The following DISC1 variants were observed in gnomAD, a reference collection of about 807,000 sequenced individuals.
DISC1 encodes DISC1 scaffold protein.
A neutral mutation model predicts 84.5 loss-of-function variants in DISC1; 57 were observed. The ratio of observed to expected loss-of-function variants is 0.67; its 90% CI spans 0.55 to 0.84. The LOEUF is 0.84. Among genes scored for constraint, DISC1 ranks in the 40% least tolerant of loss-of-function variants. DISC1 has a pLI of 0.00. For missense variants in DISC1, 1,000 were observed against 1,057.8 expected, an observed-to-expected ratio of 0.95 and a Z score of 0.76; for synonymous variants, 411 against 415.2, an observed-to-expected ratio of 0.99 and a Z score of 0.12.
intron 9 of DISC1, among the ~76,000 whole-genome samples, chr1:231,871,610 C>T (rs571005584): frequency 1.3e-5 from 2 of 152,314 alleles, no homozygotes; most frequent in East Asian, 3.9e-4. Flanking sequence ...AGTTAGCCAA[C>T]CATGTGTTAA....
intron 1 of DISC1, among the ~76,000 whole-genome samples, chr1:231,645,701 C>T (rs2060064841): frequency 6.6e-6 from 1 of 151,908 alleles, no homozygotes; most frequent in Non-Finnish European, 1.5e-5. Flanking sequence ...TGCGATGTTC[C>T]CTGTCCTGTG....
rs1373090182 is a variant in DISC1 at position 232,008,846 on chromosome 1, A to T, written c.2104A>T (p.Ile702Phe). ...EADLEACRLL[I>F]QSLQLQEARG... ...TGACTTGGAAGCTTGTCGATTGCTT[A>T]TCCAGAGCCTACAGCTCCAGGAAGC... The change falls in exon 11 of 13, where the codon ATC becomes TTC. Residue 702 changes from isoleucine to phenylalanine, a missense_variant. Physicochemically the swap from Ile to Phe is conservative, Grantham distance 21 (BLOSUM62 0). Transcript: ENST00000439617. 1.2e-6 allele frequency: 2 copies of T among 1,612,256 alleles called. No homozygotes were observed. Among genetic ancestry groups the T allele is most frequent in the Non-Finnish European group, 1.7e-6 (2 of 1,178,972 alleles).
chr1:231,951,363 T>C (rs1658340109), intron 9 of DISC1, among the ~76,000 whole-genome samples: 1 of 152,216 alleles, frequency 6.6e-6, no homozygotes, highest in African/African-American at 2.4e-5. Flanking sequence ...GATCATAATG[T>C]AAGCTTGGAG....
chr1:231,770,234 T>G (rs1431665362), intron 5 of DISC1, among the ~76,000 whole-genome samples: 2 of 152,120 alleles, frequency 1.3e-5, no homozygotes, highest in Non-Finnish European at 2.9e-5. Context: ...ACCTTAATAT[T>G]AAATGATATT....
chr1:231,875,665 G>C (rs184373159), intron 9 of DISC1, among the ~76,000 whole-genome samples: 8 of 152,282 alleles, frequency 5.3e-5, no homozygotes, highest in Admixed American at 4.6e-4. Context: ...GAACTAAACT[G>C]TACTCCCTCT....
intron 1 of DISC1, among the ~76,000 whole-genome samples, chr1:231,693,075 A>G (rs1279995877): frequency 6.6e-6 from 1 of 152,234 alleles, no homozygotes; most frequent in Non-Finnish European, 1.5e-5. Flanking sequence ...CACTTTACTG[A>G]TGGGGAAACT....
At chr1:231,796,204 T>C (rs754501462) in intron 7 of DISC1, among the ~76,000 whole-genome samples, 3 of 152,148 alleles carry the variant, frequency 2.0e-5, no homozygotes, top group Admixed American at 6.6e-5. Context: ...CTCATATGTA[T>C]TTATACCTGG....
chr1:231,891,146 C>A (rs1215660772), intron 9 of DISC1, among the ~76,000 whole-genome samples: 3 of 152,064 alleles, frequency 2.0e-5, no homozygotes, highest in Admixed American at 1.3e-4. Flanking sequence ...CTGGGCCACA[C>A]TTGAAGGAGG....
intron 9 of DISC1, among the ~76,000 whole-genome samples, chr1:231,933,076 G>A (rs1270971348): frequency 2.0e-5 from 3 of 152,196 alleles, no homozygotes; most frequent in Non-Finnish European, 4.4e-5. Context: ...CAACAGCAGC[G>A]ATGATAATAG....
chr1:232,022,903 G>A (rs1350160883), intron 11 of DISC1, among the ~76,000 whole-genome samples: 1 of 152,170 alleles, frequency 6.6e-6, no homozygotes, highest in Non-Finnish European at 1.5e-5. Context: ...GAGAGATCCT[G>A]TAACTTGTGC....
chr1:231,996,697 A>G (rs1666009074), intron 10 of DISC1, among the ~76,000 whole-genome samples: 1 of 152,094 alleles, frequency 6.6e-6, no homozygotes, highest in Admixed American at 6.5e-5. Flanking sequence ...CCCATAGAAA[A>G]ACACTAACAT....
chr1:231,843,759 G>C (rs1574216968), intron 9 of DISC1, among the ~76,000 whole-genome samples: 1 of 152,266 alleles, frequency 6.6e-6, no homozygotes, highest in East Asian at 1.9e-4. Context: ...TTAGAATCAA[G>C]GCCATAAGAA....
chr1:232,026,507 G>T lies in DISC1; in HGVS notation c.2380G>T (p.Asp794Tyr). 1 of 1,608,000 alleles carries T rather than the reference G, an allele frequency of 6.2e-7. No homozygotes were observed. Among genetic ancestry groups the T allele is most frequent in the Non-Finnish European group, 8.5e-7 (1 of 1,177,062 alleles). Residue 794 changes from aspartate (D) to tyrosine (Y), a missense_variant, in exon 12 of 13, where the codon GAT (aspartate) becomes TAT (tyrosine). Asp to Tyr is a radical substitution (Grantham distance 160). This residue lies in a region of DISC1 where 397 missense variants were observed against 377.5 expected (regional missense o/e 1.05). Coordinates refer to ENST00000439617, the MANE Select transcript of DISC1 (RefSeq NM_018662.3). Reference protein sequence around the residue: ...DIGKKLLYLEDQLHTAIHSHD... With the variant: ...DIGKKLLYLEYQLHTAIHSHD... Reference sequence around the variant, plus strand: ...AGGCAAGAAGCTATTGTACTTGGAAGATCAACTTCACACAGCAATCCACAG... The same window carrying T: ...AGGCAAGAAGCTATTGTACTTGGAATATCAACTTCACACAGCAATCCACAG...
At position 231,661,395 on chromosome 1, in the gene DISC1, G is replaced by T. The variant is rs116674294; in HGVS notation, c.68-32431G>T. On this transcript the variant is annotated intron_variant, in intron 1 of 12. Coordinates refer to ENST00000439617, the MANE Select transcript of DISC1 (RefSeq NM_018662.3). ...AGGTATCCCAATCAGTTGGAGGTTT[G>T]GTCTCTTCATAGAATCCCATATTTC... Among the ~76,000 whole-genome samples the T allele has an allele frequency of 2.8e-3, 426 of 151,954 alleles. 7 individuals carry two copies. Among genetic ancestry groups the T allele is most frequent in the East Asian group, 9.5e-3 (49 of 5,158 alleles).
intron 9 of DISC1, among the ~76,000 whole-genome samples, chr1:231,894,529 A>G (rs1053055618): frequency 6.6e-6 from 1 of 151,998 alleles, no homozygotes; most frequent in African/African-American, 2.4e-5. Flanking sequence ...TTCTTGTTTA[A>G]TAAGTTCTTT....
intron 9 of DISC1, among the ~76,000 whole-genome samples, chr1:231,958,130 T>C (rs1659840365): frequency 6.6e-6 from 1 of 152,188 alleles, no homozygotes; most frequent in South Asian, 2.1e-4. Flanking sequence ...TTAGTTATTA[T>C]CTTGAGAGGA....
chr1:231,829,731 A>G (rs1387294489), intron 9 of DISC1, among the ~76,000 whole-genome samples: 1 of 152,110 alleles, frequency 6.6e-6, no homozygotes, highest in East Asian at 1.9e-4. Flanking sequence ...GAGGCTGTTT[A>G]TTTCACCTGG....
chr1:231,851,780 G>T lies in DISC1; in HGVS notation c.1981+33263G>T, dbSNP rs11122350. On this transcript the variant is annotated intron_variant, in intron 9 of 12. Transcript: ENST00000439617. The stretch of plus-strand genomic sequence containing the variant: ...AGTGGGAATGCGGCACTCATGGGCC[G>T]GCGGAAGAATGAGCATTTGAGGAGG... 8.1e-3 allele frequency among the ~76,000 whole-genome samples: 1,229 copies of T among 152,278 alleles called. 20 individuals carry two copies. The highest frequency in any genetic ancestry group is 0.028 in the African/African-American group (1,172 of 41,556).
chr1:231,740,671 GT>G (rs2073140532), intron 3 of DISC1, among the ~76,000 whole-genome samples: 1 of 152,122 alleles, frequency 6.6e-6, no homozygotes. Flanking sequence ...ATTTTGGGGG[GT>G]TTTAGAGTAT....
Sources: allele counts gnomAD v4.1 joint callset (sites outside exome capture counted in the v4.1 genomes callset), GRCh38; gene constraint gnomAD v4.1.1; regional missense constraint gnomAD v4.1.1; transcripts MANE v1.5; gene names NCBI Gene and HGNC (gene_info 2026-07-23, HGNC 2026-07-21).